The following HEMK2 variants were observed in gnomAD, a reference collection of about 807,000 sequenced individuals.
The protein encoded by HEMK2 is HemK methyltransferase 2, ETF1 glutamine and histone H4 lysine, also known as methyltransferase HEMK2.
chr21:28,644,611 T>C, the HEMK2 span, among the ~76,000 whole-genome samples: 1 of 152,210 alleles, frequency 6.6e-6, no homozygotes, highest in African/African-American at 2.4e-5. Flanking sequence ...AATGAGCTAA[T>C]AACTGAGGAA....
At chr21:28,646,286 A>C in the HEMK2 span, among the ~76,000 whole-genome samples, 7 of 152,182 alleles carry the variant, frequency 4.6e-5, no homozygotes, top group African/African-American at 1.7e-4. Flanking sequence ...ATAACCCATA[A>C]ATAGTGAGCT....
the HEMK2 span, among the ~76,000 whole-genome samples, chr21:28,663,539 T>C: frequency 6.6e-6 from 1 of 152,232 alleles, no homozygotes; most frequent in African/African-American, 2.4e-5. Flanking sequence ...GCAGCAATGA[T>C]ATATGGACCT....
chr21:28,603,545 ATATATG>A, the HEMK2 span, among the ~76,000 whole-genome samples: 759 of 95,636 alleles, frequency 7.9e-3, 10 homozygotes, highest in African/African-American at 0.03. Flanking sequence ...TACTGAGGAT[ATATATG>A]TGTGTGTGTG....
the HEMK2 span, among the ~76,000 whole-genome samples, chr21:28,726,245 G>A: frequency 6.6e-6 from 1 of 151,602 alleles, no homozygotes. Context: ...GTTTTATTTG[G>A]GGAATTACCA....
the HEMK2 span, among the ~76,000 whole-genome samples, chr21:28,752,542 T>C: frequency 6.6e-5 from 10 of 152,178 alleles, no homozygotes; most frequent in African/African-American, 2.4e-4. Context: ...TTTCTTCCAC[T>C]GTCATAAAAA....
the HEMK2 span, among the ~76,000 whole-genome samples, chr21:28,583,161 A>C: frequency 1.3e-5 from 2 of 152,250 alleles, no homozygotes; most frequent in Non-Finnish European, 2.9e-5. Flanking sequence ...ACATAGCTAA[A>C]GAATTATGTA....
At chr21:28,737,175 A>G in the HEMK2 span, among the ~76,000 whole-genome samples, 3 of 152,188 alleles carry the variant, frequency 2.0e-5, no homozygotes, top group Admixed American at 6.5e-5. Context: ...CCCAAGCTGG[A>G]GTGCAGTGGT....
the HEMK2 span, among the ~76,000 whole-genome samples, chr21:28,653,327 G>T: frequency 6.6e-6 from 1 of 151,546 alleles, no homozygotes; most frequent in Non-Finnish European, 1.5e-5. Context: ...GCTTACTCTG[G>T]ATAACAAAGC....
chr21:28,658,651 T>C, the HEMK2 span, among the ~76,000 whole-genome samples: 1 of 152,138 alleles, frequency 6.6e-6, no homozygotes, highest in Non-Finnish European at 1.5e-5. Flanking sequence ...TTTAATGTCA[T>C]ATTTACCAAT....
chr21:28,788,909 A>G, the HEMK2 span, among the ~76,000 whole-genome samples: 1 of 152,092 alleles, frequency 6.6e-6, no homozygotes, highest in Non-Finnish European at 1.5e-5. Flanking sequence ...CAGTGGAGAC[A>G]GCCATGTGAA....
At chr21:28,739,260 TCTTTCTCTTTTTTC>T in the HEMK2 span, among the ~76,000 whole-genome samples, 1 of 152,196 alleles carries the variant, frequency 6.6e-6, no homozygotes, top group East Asian at 1.9e-4. Flanking sequence ...AGAACACAGG[TCTTTCTCTTTTTTC>T]GTTTTTCCCA....
the HEMK2 span, among the ~76,000 whole-genome samples, chr21:28,699,958 A>C: frequency 1.3e-5 from 2 of 152,220 alleles, no homozygotes; most frequent in African/African-American, 4.8e-5. Context: ...TCTTCAATAC[A>C]GTTTAATAAA....
chr21:28,758,164 C>T, the HEMK2 span, among the ~76,000 whole-genome samples: 1 of 152,040 alleles, frequency 6.6e-6, no homozygotes, highest in African/African-American at 2.4e-5. Context: ...GATCCTAAGA[C>T]AAAAATGAAG....
chr21:28,822,389 T>C, the HEMK2 span, among the ~76,000 whole-genome samples: 2 of 152,172 alleles, frequency 1.3e-5, no homozygotes, highest in Non-Finnish European at 2.9e-5. Flanking sequence ...ACAATTTAAA[T>C]CACACATCAT....
the HEMK2 span, among the ~76,000 whole-genome samples, chr21:28,741,242 A>G: frequency 4.6e-5 from 7 of 152,082 alleles, no homozygotes; most frequent in African/African-American, 7.2e-5. Flanking sequence ...TTCCTAACCC[A>G]CTCAACCCAA....
At chr21:28,838,966 AAAAAAAATATATATATATAT>A in the HEMK2 span, among the ~76,000 whole-genome samples, 1 of 49,422 alleles carries the variant, frequency 2.0e-5, no homozygotes. Context: ...AAAAAAAAAA[AAAAAAAATATATATATATAT>A]ATATATATAT....
chr21:28,654,211 A>G, the HEMK2 span, among the ~76,000 whole-genome samples: 1 of 152,134 alleles, frequency 6.6e-6, no homozygotes, highest in Non-Finnish European at 1.5e-5. Context: ...ACAATGAAAG[A>G]GCATTTAGTA....
At chr21:28,825,962 C>A in the HEMK2 span, among the ~76,000 whole-genome samples, 1 of 152,234 alleles carries the variant, frequency 6.6e-6, no homozygotes, top group South Asian at 2.1e-4. Flanking sequence ...GAGGAGCCAG[C>A]TGGAAAACGA....
the HEMK2 span, among the ~76,000 whole-genome samples, chr21:28,813,309 T>C: frequency 6.6e-6 from 1 of 152,064 alleles, no homozygotes; most frequent in African/African-American, 2.4e-5. Flanking sequence ...ACACCAATAA[T>C]AGTCAAACAG....
Sources: allele counts gnomAD v4.1 joint callset (sites outside exome capture counted in the v4.1 genomes callset), GRCh38; gene constraint gnomAD v4.1.1; transcripts MANE v1.5; gene names NCBI Gene and HGNC (gene_info 2026-07-23, HGNC 2026-07-21).